The following GRIP1 variants were observed in gnomAD, a reference collection of about 807,000 sequenced individuals.
GRIP1 encodes the protein glutamate receptor interacting protein 1, also known as glutamate receptor-interacting protein 1.
A neutral mutation model predicts 129.9 loss-of-function variants in GRIP1; 45 were observed. That is an observed-to-expected ratio of 0.35 (90% CI 0.27 to 0.44). The LOEUF is 0.44. Among genes scored for constraint, GRIP1 ranks in the 20% least tolerant of loss-of-function variants. The probability of loss-of-function intolerance (pLI) is 1.00; values close to 1 mark genes in which losing one functional copy is unlikely to be tolerated. For missense variants in GRIP1, 1,196 were observed against 1,396.8 expected (o/e 0.86, Z 2.29); for synonymous variants, 530 against 520.8 (o/e 1.02, Z -0.24).
intron 7 of GRIP1, among the ~76,000 whole-genome samples, chr12:66,466,796 A>G (rs1434575629): frequency 1.3e-5 from 2 of 152,124 alleles, no homozygotes; most frequent in Non-Finnish European, 2.9e-5. Context: ...ATCTTTTTCT[A>G]ATTTTCAACT....
chr12:67,053,566 G>A (rs946741869), intron 1 of GRIP1, among the ~76,000 whole-genome samples: 26 of 152,168 alleles, frequency 1.7e-4, no homozygotes, highest in African/African-American at 6.0e-4. Context: ...TGGGCCGGGC[G>A]TGGTGGCTCA....
chr12:66,832,565 G>A (rs2039537989), intron 1 of GRIP1, among the ~76,000 whole-genome samples: 2 of 152,170 alleles, frequency 1.3e-5, no homozygotes, highest in Admixed American at 1.3e-4. Context: ...TAGTAAGGAA[G>A]TGATTTAGTG....
chr12:66,779,644 C>T (rs902551785), intron 1 of GRIP1, among the ~76,000 whole-genome samples: 2 of 152,176 alleles, frequency 1.3e-5, no homozygotes, highest in African/African-American at 2.4e-5. Context: ...ACTTTTCATT[C>T]GTTCATTCAA....
intron 1 of GRIP1, among the ~76,000 whole-genome samples, chr12:66,734,029 G>A (rs1016730618): frequency 1.3e-4 from 20 of 152,112 alleles, no homozygotes; most frequent in African/African-American, 4.8e-4. Flanking sequence ...GAGGCAAAAA[G>A]GAAATGTGGG....
intron 1 of GRIP1, among the ~76,000 whole-genome samples, chr12:66,842,663 C>T (rs1566047545): frequency 6.6e-6 from 1 of 152,072 alleles, no homozygotes; most frequent in Non-Finnish European, 1.5e-5. Context: ...CAAAAATGCC[C>T]AATGGGACTG....
chr12:66,930,113 T>A (rs868742812), intron 1 of GRIP1, among the ~76,000 whole-genome samples: 4 of 151,940 alleles, frequency 2.6e-5, no homozygotes, highest in African/African-American at 4.8e-5. Flanking sequence ...CTCTTTTTTT[T>A]TTATTATTAC....
At chr12:66,610,984 A>G (rs951598507) in intron 1 of GRIP1, among the ~76,000 whole-genome samples, 10 of 152,208 alleles carry the variant, frequency 6.6e-5, no homozygotes, top group African/African-American at 2.2e-4. Context: ...CTGTATAACT[A>G]TAGCCTTTAT....
chr12:66,827,475 C>T (rs966852377), intron 1 of GRIP1, among the ~76,000 whole-genome samples: 1 of 151,784 alleles, frequency 6.6e-6, no homozygotes, highest in African/African-American at 2.4e-5. Context: ...AATTTATACA[C>T]TAATCACATA....
intron 2 of GRIP1, among the ~76,000 whole-genome samples, chr12:66,544,114 A>G (rs989366322): frequency 6.6e-6 from 1 of 152,228 alleles, no homozygotes; most frequent in South Asian, 2.1e-4. Flanking sequence ...AGAAAAGCTC[A>G]ATTATTTTAG....
At chr12:67,027,387 T>C (rs1300133885) in intron 1 of GRIP1, among the ~76,000 whole-genome samples, 2 of 152,202 alleles carry the variant, frequency 1.3e-5, no homozygotes, top group East Asian at 1.9e-4. Context: ...TACGTAGCTG[T>C]TGAAATACAA....
intron 1 of GRIP1, among the ~76,000 whole-genome samples, chr12:67,045,323 A>T (rs1286588972): frequency 6.6e-6 from 1 of 152,174 alleles, no homozygotes; most frequent in African/African-American, 2.4e-5. Context: ...GAGAAATTCT[A>T]CATGAACTTT....
intron 1 of GRIP1, among the ~76,000 whole-genome samples, chr12:66,670,625 T>C (rs12581526): frequency 0.41 from 62,204 of 152,024 alleles, 13,224 homozygotes; most frequent in Non-Finnish European, 0.48. Context: ...ACAAATGCGT[T>C]ATAACCTGTA....
In GRIP1 at chr12:66,731,454, C is replaced by T. The variant is rs561376883; in HGVS notation, c.-420+72599G>A. On this transcript the variant is annotated intron_variant, in intron 1 of 4. Coordinates refer to the GRIP1 transcript ENST00000538373. The stretch of plus-strand genomic sequence containing the variant: ...CACTGTGCAATGTTTTGGATAAGAG[C>T]ATTTACTGTTAAGTAAGATGTTATC... Among the ~76,000 whole-genome samples, 6 of 152,250 alleles carry T rather than the reference C, an allele frequency of 3.9e-5. No homozygotes were observed. The East Asian group carries it at 9.6e-4, about 24-fold the overall frequency.
chr12:67,029,165 G>T (rs1049555177), intron 1 of GRIP1, among the ~76,000 whole-genome samples: 2 of 152,116 alleles, frequency 1.3e-5, no homozygotes, highest in African/African-American at 4.8e-5. Context: ...AGGCTGGAGT[G>T]CAGCGGCACA....
chr12:67,023,661 G>A (rs1156372825), intron 1 of GRIP1, among the ~76,000 whole-genome samples: 1 of 151,826 alleles, frequency 6.6e-6, no homozygotes, highest in Non-Finnish European at 1.5e-5. Flanking sequence ...AATGTCTGCT[G>A]GGATTTTATT....
At chr12:66,416,635 T>A (rs1018561620) in intron 15 of GRIP1, among the ~76,000 whole-genome samples, 2 of 152,172 alleles carry the variant, frequency 1.3e-5, no homozygotes, top group Non-Finnish European at 2.9e-5. Flanking sequence ...AGCAACTATA[T>A]GCCAATAAAT....
At chr12:66,826,348 T>G (rs1027538763) in intron 1 of GRIP1, among the ~76,000 whole-genome samples, 1 of 152,060 alleles carries the variant, frequency 6.6e-6, no homozygotes, top group Non-Finnish European at 1.5e-5. Context: ...AAATACCTAA[T>G]GTAGATGACG....
chr12:66,883,555 A>G lies in GRIP1; in HGVS notation c.58+185495T>C, dbSNP rs151256673. Among the ~76,000 whole-genome samples the G allele has an allele frequency of 1.7e-3, 263 of 152,266 alleles. 2 individuals are homozygous for G. Among genetic ancestry groups the G allele is most frequent in the African/African-American group, 5.6e-3 (234 of 41,554 alleles). ...AACTGAATCTGATTAGAGACTAAGG[A>G]CTTTCCAAACTTGGGGAAAGGACCT... is the stretch of plus-strand genomic sequence containing the variant. On this transcript the variant is annotated intron_variant, in intron 1 of 1. Transcript: ENST00000643019.
intron 1 of GRIP1, among the ~76,000 whole-genome samples, chr12:66,893,936 C>G (rs928996217): frequency 6.6e-6 from 1 of 152,162 alleles, no homozygotes; most frequent in Non-Finnish European, 1.5e-5. Context: ...CCTGATCCCG[C>G]TCTAGCTTCA....
Sources: allele counts gnomAD v4.1 joint callset (sites outside exome capture counted in the v4.1 genomes callset), GRCh38; gene constraint gnomAD v4.1.1; transcripts MANE v1.5; gene names NCBI Gene and HGNC (gene_info 2026-07-23, HGNC 2026-07-21).